The following PTPRD variants were observed in gnomAD, a reference collection of about 807,000 sequenced individuals.
The protein encoded by PTPRD is receptor-type tyrosine-protein phosphatase delta.
PTPRD carries 34 observed loss-of-function variants against 214.5 expected under a neutral mutation model. The observed-to-expected ratio is 0.16, with a 90% confidence interval of 0.12 to 0.21. PTPRD has a LOEUF of 0.21. Ranked by LOEUF, PTPRD falls within the 10% of genes least tolerant of loss-of-function variation. The pLI, the probability that PTPRD is intolerant of heterozygous loss-of-function variation, is 1.00. For missense variants in PTPRD, 2,545 were observed against 2,398.7 expected, an observed-to-expected ratio of 1.06 and a Z score of -1.27; for synonymous variants, 1,128 against 845.7, an observed-to-expected ratio of 1.33 and a Z score of -5.79.
intron 11 of PTPRD, among the ~76,000 whole-genome samples, chr9:8,825,375 G>A (rs10121702): frequency 0.47 from 71,191 of 152,016 alleles, 17,288 homozygotes; most frequent in African/African-American, 0.6. Context: ...GAAAACAGAT[G>A]TTTATTGCAC....
At chr9:9,452,098 C>T (rs2092307674) in intron 8 of PTPRD, among the ~76,000 whole-genome samples, 1 of 151,494 alleles carries the variant, frequency 6.6e-6, no homozygotes, top group South Asian at 2.1e-4. Context: ...ATATAACAAT[C>T]TATACCTAGC....
At chr9:9,584,346 T>G (rs73388948) in intron 7 of PTPRD, among the ~76,000 whole-genome samples, 5,558 of 150,390 alleles carry the variant, frequency 0.037, 295 homozygotes, top group African/African-American at 0.12. Context: ...ATTAAAACAT[T>G]TTATTTCATC....
intron 39 of PTPRD, among the ~76,000 whole-genome samples, chr9:8,351,615 G>A (rs1344915133): frequency 6.6e-6 from 1 of 151,896 alleles, no homozygotes; most frequent in Non-Finnish European, 1.5e-5. Flanking sequence ...AGAAGTCTGG[G>A]TGATGTTGGC....
At chr9:9,037,543 T>C (rs935574008) in intron 10 of PTPRD, among the ~76,000 whole-genome samples, 1 of 152,164 alleles carries the variant, frequency 6.6e-6, no homozygotes, top group African/African-American at 2.4e-5. Context: ...TGCTGTGCTC[T>C]AAAAATTACT....
intron 10 of PTPRD, among the ~76,000 whole-genome samples, chr9:9,168,293 C>T (rs1429744026): frequency 6.6e-6 from 1 of 152,236 alleles, no homozygotes; most frequent in Non-Finnish European, 1.5e-5. Context: ...CAGAATACCA[C>T]TGCAACCATG....
intron 20 of PTPRD, among the ~76,000 whole-genome samples, chr9:8,520,779 T>G (rs1223216632): frequency 6.6e-6 from 1 of 152,180 alleles, no homozygotes; most frequent in Admixed American, 6.6e-5. Context: ...TACTCTTACT[T>G]GCCTTTTGAT....
chr9:8,393,643 A>G (rs1168150316), intron 36 of PTPRD, among the ~76,000 whole-genome samples: 3 of 152,142 alleles, frequency 2.0e-5, no homozygotes, highest in Non-Finnish European at 2.9e-5. Context: ...GCTCTACTGC[A>G]TTTATAAAAC....
intron 5 of PTPRD, among the ~76,000 whole-genome samples, chr9:9,775,037 G>A (rs924147822): frequency 6.6e-6 from 1 of 152,154 alleles, no homozygotes; most frequent in Non-Finnish European, 1.5e-5. Context: ...CAAGATGAAG[G>A]AAGTAAGTCC....
intron 7 of PTPRD, among the ~76,000 whole-genome samples, chr9:9,619,472 TCAC>T (rs2095101965): frequency 1.4e-5 from 2 of 147,948 alleles, no homozygotes; most frequent in African/African-American, 4.9e-5. Context: ...GGGTATATAT[TCAC>T]ATATTCTATA....
At chr9:9,178,492 C>G (rs1046887114) in intron 10 of PTPRD, among the ~76,000 whole-genome samples, 22 of 151,990 alleles carry the variant, frequency 1.4e-4, no homozygotes, top group Admixed American at 1.2e-3. Context: ...AGGACATTTG[C>G]CTTCTCTGGG....
intron 9 of PTPRD, among the ~76,000 whole-genome samples, chr9:9,252,693 C>A (rs115451731): frequency 6.6e-6 from 1 of 152,006 alleles, no homozygotes; most frequent in African/African-American, 2.4e-5. Flanking sequence ...GTTACCCAGG[C>A]TGGTCTTGAA....
chr9:8,528,541 T>TA lies in PTPRD; in HGVS notation c.541+49dup, dbSNP rs3215749. 6,531 of 1,293,106 alleles carry TA rather than the reference T, an allele frequency of 5.1e-3. 3 individuals are homozygous for TA. Among genetic ancestry groups the TA allele is most frequent in the Non-Finnish European group, 5.8e-3 (5,461 of 949,018 alleles). The allele number at this position is 1,293,106 out of a possible 1,614,324, so 80.1% of individuals were successfully genotyped here. On this transcript the variant is annotated intron_variant, in intron 15 of 45. Coordinates refer to ENST00000381196, the MANE Select transcript of PTPRD (RefSeq NM_002839.4). ...ATTAAAAATAAGGAGAGAGAAAAATTAAAAAAAAAAATTCTCTAGGAGTTA... is the reference window on the plus strand; with the variant it reads ...ATTAAAAATAAGGAGAGAGAAAAATTAAAAAAAAAAAATTCTCTAGGAGTTA...
chr9:9,004,526 A>G (rs536629162), intron 11 of PTPRD, among the ~76,000 whole-genome samples: 14 of 152,016 alleles, frequency 9.2e-5, no homozygotes, highest in Admixed American at 5.9e-4. Flanking sequence ...CAAGATCCGG[A>G]ATGATTGCAT....
intron 36 of PTPRD, among the ~76,000 whole-genome samples, chr9:8,390,513 T>G (rs968214276): frequency 6.6e-6 from 1 of 151,356 alleles, no homozygotes; most frequent in Non-Finnish European, 1.5e-5. Context: ...ATACTACTGA[T>G]TAAGGTTGTA....
chr9:9,291,717 A>G (rs1951199650), intron 9 of PTPRD, among the ~76,000 whole-genome samples: 1 of 151,124 alleles, frequency 6.6e-6, no homozygotes, highest in Admixed American at 6.6e-5. Context: ...TACTATAATT[A>G]CTTTTTTTCA....
chr9:9,773,428 T>C (rs2098769771), intron 5 of PTPRD, among the ~76,000 whole-genome samples: 2 of 152,148 alleles, frequency 1.3e-5, no homozygotes, highest in Non-Finnish European at 2.9e-5. Flanking sequence ...ATATACATGA[T>C]GATTGACAGT....
intron 10 of PTPRD, among the ~76,000 whole-genome samples, chr9:9,039,596 T>C (rs1350817570): frequency 6.6e-6 from 1 of 152,204 alleles, no homozygotes; most frequent in Non-Finnish European, 1.5e-5. Flanking sequence ...GACACAGTTG[T>C]AATAGAAACT....
intron 9 of PTPRD, among the ~76,000 whole-genome samples, chr9:9,354,666 A>G (rs976122002): frequency 6.6e-6 from 1 of 151,820 alleles, no homozygotes; most frequent in African/African-American, 2.4e-5. Context: ...CTAATGCATT[A>G]GGAGGTAAAA....
intron 2 of PTPRD, among the ~76,000 whole-genome samples, chr9:10,611,899 T>G (rs991301220): frequency 4.7e-5 from 6 of 127,796 alleles, no homozygotes; most frequent in Non-Finnish European, 9.8e-5. Flanking sequence ...TAACTTTCCC[T>G]TTTCCGCCCC....
Sources: gnomAD v4.1 joint callset for allele counts (sites outside exome capture counted in the v4.1 genomes callset) on GRCh38, gnomAD v4.1.1 for gene constraint, MANE v1.5 for transcripts, NCBI Gene and HGNC (gene_info 2026-07-23, HGNC 2026-07-21) for gene names.